The following SLC44A5 variants were observed in gnomAD, a reference collection of about 807,000 sequenced individuals.
SLC44A5 encodes the protein solute carrier family 44 member 5, also known as choline transporter-like protein 5.
A neutral mutation model predicts 101.8 loss-of-function variants in SLC44A5; 57 were observed. The ratio of observed to expected loss-of-function variants is 0.56; its 90% CI spans 0.45 to 0.70. SLC44A5 has a LOEUF of 0.70. SLC44A5 is among the 30% of genes least tolerant of loss of function. The probability of loss-of-function intolerance (pLI) is 0.00; values close to 1 mark genes in which losing one functional copy is unlikely to be tolerated. For missense variants in SLC44A5, 737 were observed against 853.1 expected (o/e 0.86, Z 1.70); for synonymous variants, 281 against 290.9 (o/e 0.97, Z 0.35).
intron 2 of SLC44A5, among the ~76,000 whole-genome samples, chr1:75,484,672 C>G (rs903095648): frequency 2.0e-5 from 3 of 152,230 alleles, no homozygotes; most frequent in Non-Finnish European, 2.9e-5. Context: ...TTGCCCTCCC[C>G]TCTGCATTGC....
chr1:75,355,980 G>C (rs1234524950), intron 3 of SLC44A5, among the ~76,000 whole-genome samples: 1 of 151,872 alleles, frequency 6.6e-6, no homozygotes, highest in Non-Finnish European at 1.5e-5. Flanking sequence ...GGGAAGCGGA[G>C]GTGGGCAGAT....
At chr1:75,695,441 G>A in the SLC44A5 span, among the ~76,000 whole-genome samples, 1 of 152,078 alleles carries the variant, frequency 6.6e-6, no homozygotes, top group Non-Finnish European at 1.5e-5. Context: ...ACTCCTGGAG[G>A]TCCAATTATT....
At chr1:75,503,142 A>T (rs1669058648) in intron 2 of SLC44A5, among the ~76,000 whole-genome samples, 4 of 152,150 alleles carry the variant, frequency 2.6e-5, no homozygotes, top group African/African-American at 9.7e-5. Flanking sequence ...GTATAGTTTC[A>T]CTTTACCTCA....
intron 1 of SLC44A5, among the ~76,000 whole-genome samples, chr1:75,563,134 TA>T (rs1672613716): frequency 6.6e-6 from 1 of 152,156 alleles, no homozygotes; most frequent in African/African-American, 2.4e-5. Flanking sequence ...AGTATGGATA[TA>T]AAAGAATCCC....
chr1:75,686,258 G>A, the SLC44A5 span, among the ~76,000 whole-genome samples: 9 of 152,178 alleles, frequency 5.9e-5, no homozygotes, highest in Non-Finnish European at 1.2e-4. Flanking sequence ...TGTATATGAA[G>A]ATTTCAGAGG....
At chr1:75,237,605 C>T (rs1468379805) in intron 10 of SLC44A5, among the ~76,000 whole-genome samples, 3 of 152,036 alleles carry the variant, frequency 2.0e-5, no homozygotes, top group African/African-American at 7.2e-5. Flanking sequence ...CTCAAAGTAA[C>T]CACTATTCTG....
chr1:75,680,025 A>C, the SLC44A5 span, among the ~76,000 whole-genome samples: 1 of 152,238 alleles, frequency 6.6e-6, no homozygotes, highest in African/African-American at 2.4e-5. Context: ...AGGCCATTAC[A>C]TAATGGTAAA....
the SLC44A5 span, among the ~76,000 whole-genome samples, chr1:75,714,232 C>T: frequency 0.016 from 2,390 of 152,244 alleles, 71 homozygotes; most frequent in African/African-American, 0.053. Flanking sequence ...TCAACATATG[C>T]AAATCAGTAA....
chr1:75,537,023 A>T (rs1298941553), intron 2 of SLC44A5, among the ~76,000 whole-genome samples: 4 of 34,886 alleles, frequency 1.1e-4, no homozygotes, highest in Non-Finnish European at 3.8e-4. Flanking sequence ...AAAAAAAAAA[A>T]AAAAAAAAAA....
chr1:75,569,783 C>T (rs969071491), intron 1 of SLC44A5, among the ~76,000 whole-genome samples: 1 of 152,150 alleles, frequency 6.6e-6, no homozygotes, highest in African/African-American at 2.4e-5. Context: ...TAATAAAGAA[C>T]AAATTTAACC....
chr1:75,545,179 A>G (rs2101964295), intron 1 of SLC44A5, among the ~76,000 whole-genome samples: 1 of 152,296 alleles, frequency 6.6e-6, no homozygotes, highest in South Asian at 2.1e-4. Context: ...TCTGCAAAGG[A>G]CACGATCTCA....
intron 2 of SLC44A5, among the ~76,000 whole-genome samples, chr1:75,489,228 G>A (rs959257485): frequency 6.7e-6 from 1 of 149,250 alleles, no homozygotes; most frequent in East Asian, 1.9e-4. Context: ...TGAATTTAGA[G>A]AGTAATTATT....
chr1:75,527,166 AAAAAG>A (rs1340584272), intron 2 of SLC44A5, among the ~76,000 whole-genome samples: 2 of 150,526 alleles, frequency 1.3e-5, no homozygotes, highest in East Asian at 1.9e-4. Context: ...AAAAGAAAAG[AAAAAG>A]AAAAGGAAAG....
At chr1:75,607,826 A>T (rs1022192779) in intron 1 of SLC44A5, among the ~76,000 whole-genome samples, 1 of 151,932 alleles carries the variant, frequency 6.6e-6, no homozygotes, top group Non-Finnish European at 1.5e-5. Flanking sequence ...GCCATGTGGA[A>T]CTGTGAGTCA....
chr1:75,359,816 C>A (rs113473019), intron 3 of SLC44A5, among the ~76,000 whole-genome samples: 1 of 152,180 alleles, frequency 6.6e-6, no homozygotes, highest in Non-Finnish European at 1.5e-5. Context: ...CTTTTCTCTA[C>A]ATCCTCACCA....
At chr1:75,643,688 A>G in the SLC44A5 span, among the ~76,000 whole-genome samples, 1 of 152,234 alleles carries the variant, frequency 6.6e-6, no homozygotes, top group African/African-American at 2.4e-5. Context: ...ATTGTTTTAT[A>G]AAAAGGCAGT....
intron 2 of SLC44A5, among the ~76,000 whole-genome samples, chr1:75,481,638 A>C (rs201515637): frequency 1.3e-5 from 2 of 151,084 alleles, no homozygotes; most frequent in Admixed American, 1.3e-4. Context: ...TATGCAGCCA[A>C]CAGACACATG....
intron 5 of SLC44A5, among the ~76,000 whole-genome samples, chr1:75,285,040 G>T (rs537315890): frequency 2.0e-5 from 3 of 152,058 alleles, no homozygotes; most frequent in Non-Finnish European, 2.9e-5. Context: ...GATTTAGAAG[G>T]TTCCCTCTTT....
At chr1:75,443,786 C>T (rs1229482906) in intron 2 of SLC44A5, among the ~76,000 whole-genome samples, 1 of 151,288 alleles carries the variant, frequency 6.6e-6, no homozygotes, top group Non-Finnish European at 1.5e-5. Context: ...TTCAGCCTTT[C>T]CCAATCATAA....
Sources: gnomAD v4.1 joint callset for allele counts (sites outside exome capture counted in the v4.1 genomes callset) on GRCh38, gnomAD v4.1.1 for gene constraint, MANE v1.5 for transcripts, NCBI Gene and HGNC (gene_info 2026-07-23, HGNC 2026-07-21) for gene names.